PPFIBP1: variants seen among roughly 807,000 people sequenced by gnomAD.
PPFIBP1 encodes the protein liprin-beta-1.
Under a neutral mutation model 137.8 loss-of-function variants are expected in PPFIBP1, and 112 were observed. The observed-to-expected ratio is 0.81, with a 90% confidence interval of 0.70 to 0.95. The LOEUF is 0.95. Ranked by LOEUF, PPFIBP1 falls within the 40% of genes least tolerant of loss-of-function variation. The pLI is 0.00. For missense variants in PPFIBP1, 1,083 were observed against 1,196.6 expected, an observed-to-expected ratio of 0.91 and a Z score of 1.40; for synonymous variants, 378 against 417.3, an observed-to-expected ratio of 0.91 and a Z score of 1.15.
intron 2 of PPFIBP1, chr12:27,593,311 C>T: frequency 2.7e-6 from 1 of 370,952 alleles, no homozygotes; most frequent in Admixed American, 3.4e-5. Context: ...ACTTCGGGCC[C>T]CTTGGGACCT....
At chr12:27,607,011 G>C (rs1483251529) in intron 2 of PPFIBP1, among the ~76,000 whole-genome samples, 1 of 152,152 alleles carries the variant, frequency 6.6e-6, no homozygotes, top group African/African-American at 2.4e-5. Flanking sequence ...GGTTTATTAA[G>C]CAAAGAATGG....
intron 8 of PPFIBP1, 123 bp downstream of exon 8, chr12:27,654,937 G>T (rs1214025865): frequency 9.9e-6 from 14 of 1,415,704 alleles, no homozygotes; most frequent in East Asian, 2.5e-5. Flanking sequence ...AAAAGTAAAT[G>T]AAGATTTCCC....
chr12:27,596,338 G>C (rs2053304923), intron 2 of PPFIBP1, among the ~76,000 whole-genome samples: 1 of 152,086 alleles, frequency 6.6e-6, no homozygotes, highest in African/African-American at 2.4e-5. Flanking sequence ...CTGATGACAT[G>C]ATAGAAGAAA....
chr12:27,671,405 A>G, intron 13 of PPFIBP1, 26 bp from the exon 14 acceptor site: 1 of 1,316,118 alleles, frequency 7.6e-7, no homozygotes, highest in Non-Finnish European at 1.1e-6. Flanking sequence ...TGATTGATTG[A>G]TTGATTTTTT....
intron 1 of PPFIBP1, among the ~76,000 whole-genome samples, chr12:27,551,584 G>A (rs1333086428): frequency 1.3e-5 from 2 of 152,178 alleles, no homozygotes; most frequent in Non-Finnish European, 2.9e-5. Context: ...GTTCCATTGT[G>A]TAATGTAAGT....
At chr12:27,612,340 T>TTTTC (rs2055223448) in intron 2 of PPFIBP1, among the ~76,000 whole-genome samples, 1 of 143,494 alleles carries the variant, frequency 7.0e-6, no homozygotes, top group African/African-American at 2.5e-5. Context: ...TTTTTTTTTT[T>TTTTC]TTTTTTTTTT....
intron 5 of PPFIBP1, among the ~76,000 whole-genome samples, chr12:27,647,390 G>C (rs533896442): frequency 8.9e-4 from 135 of 152,136 alleles, no homozygotes; most frequent in African/African-American, 3.2e-3. Flanking sequence ...CATTAACTTT[G>C]TTTCCTCTCT....
At chr12:27,581,881 T>C (rs12581872) in intron 2 of PPFIBP1, among the ~76,000 whole-genome samples, 18,779 of 151,930 alleles carry the variant, frequency 0.12, 1,680 homozygotes, top group East Asian at 0.42. Context: ...CTTTCTCCTT[T>C]TCCTACCAAA....
chr12:27,640,659 C>A (rs1050348805), intron 4 of PPFIBP1, among the ~76,000 whole-genome samples: 1 of 151,184 alleles, frequency 6.6e-6, no homozygotes, highest in Non-Finnish European at 1.5e-5. Context: ...GACAGGGGAG[C>A]GGAGTACTGC....
At chr12:27,530,146 G>A (rs1269916429) in intron 1 of PPFIBP1, among the ~76,000 whole-genome samples, 2 of 152,132 alleles carry the variant, frequency 1.3e-5, no homozygotes, top group South Asian at 2.1e-4. Context: ...CTTTGCAACC[G>A]TTATCTTTTT....
At chr12:27,630,032 A>G (rs1319745751) in intron 2 of PPFIBP1, among the ~76,000 whole-genome samples, 1 of 152,166 alleles carries the variant, frequency 6.6e-6, no homozygotes, top group Non-Finnish European at 1.5e-5. Context: ...TTTGTTCTAT[A>G]AATTGAATTT....
At position 27,660,573 on chromosome 12, in the gene PPFIBP1, A is replaced by G. The variant is rs2059481714; in HGVS notation, c.845-311A>G. ...GTTTTAGAAACGTTATGTTTTTATT[A>G]CTATAGCACTGAAATTTCATCTTCA... On this transcript the variant is annotated intron_variant, in intron 10 of 29. Coordinates refer to ENST00000228425, the MANE Select transcript of PPFIBP1 (RefSeq NM_003622.4). Among the ~76,000 whole-genome samples, 3 of 152,196 alleles carry G rather than the reference A, an allele frequency of 2.0e-5. No individual in the cohort carries two copies. The South Asian group carries it at 6.2e-4, about 32-fold the overall frequency.
At chr12:27,633,121 C>T (rs1051520248) in intron 2 of PPFIBP1, among the ~76,000 whole-genome samples, 2 of 152,104 alleles carry the variant, frequency 1.3e-5, no homozygotes, top group Non-Finnish European at 2.9e-5. Flanking sequence ...AGCATGGAAA[C>T]CATGCTAGTG....
chr12:27,536,622 C>A (rs1341948993), intron 1 of PPFIBP1, among the ~76,000 whole-genome samples: 2 of 152,204 alleles, frequency 1.3e-5, no homozygotes, highest in Non-Finnish European at 2.9e-5. Flanking sequence ...CCAGGCCCCA[C>A]CCCCAACAGT....
chr12:27,598,628 A>G (rs1489198097), intron 2 of PPFIBP1, among the ~76,000 whole-genome samples: 1 of 152,036 alleles, frequency 6.6e-6, no homozygotes, highest in East Asian at 1.9e-4. Flanking sequence ...CTGAAACACA[A>G]TTTCTTGCTC....
At chr12:27,549,174 G>A (rs1237007658) in intron 1 of PPFIBP1, 1 of 149,238 alleles carries the variant, frequency 6.7e-6, no homozygotes, top group Non-Finnish European at 1.5e-5. Context: ...TAGTGATTCT[G>A]CTGTAGAGGA....
chr12:27,671,666 A>G, intron 14 of PPFIBP1, 120 bp downstream of exon 14: 1 of 591,114 alleles, frequency 1.7e-6, no homozygotes, highest in Non-Finnish European at 3.0e-6. Context: ...AAACTGCAAG[A>G]TGTCCACTGG....
intron 2 of PPFIBP1, among the ~76,000 whole-genome samples, chr12:27,608,094 C>G (rs1289190908): frequency 1.3e-5 from 2 of 152,158 alleles, no homozygotes; most frequent in Admixed American, 1.3e-4. Context: ...CATTTGGAAG[C>G]AAATTTTCCT....
chr12:27,666,676 G>A (rs775115069), intron 12 of PPFIBP1, among the ~76,000 whole-genome samples: 3 of 152,152 alleles, frequency 2.0e-5, no homozygotes, highest in Admixed American at 6.5e-5. Flanking sequence ...AGAGATCAAA[G>A]ATCATCTGTC....
Sources: allele counts gnomAD v4.1 joint callset (sites outside exome capture counted in the v4.1 genomes callset), GRCh38; gene constraint gnomAD v4.1.1; transcripts MANE v1.5; gene names NCBI Gene and HGNC (gene_info 2026-07-23, HGNC 2026-07-21).